Variants in WDFY3 observed in about 807,000 individuals in gnomAD.
WDFY3 encodes WD repeat and FYVE domain containing 3, also known as WD repeat and FYVE domain-containing protein 3.
WDFY3 carries 66 observed loss-of-function variants against 409.6 expected under a neutral mutation model. The observed-to-expected ratio is 0.16, with a 90% CI of 0.13 to 0.20. The LOEUF is 0.20. Among genes scored for constraint, WDFY3 ranks in the 10% least tolerant of loss-of-function variants. The probability of loss-of-function intolerance (pLI) is 1.00; values close to 1 mark genes in which losing one functional copy is unlikely to be tolerated. For missense variants in WDFY3, 3,031 were observed against 4,298.1 expected (o/e 0.71, Z 8.24); for synonymous variants, 1,521 against 1,537.1 (o/e 0.99, Z 0.25).
intron 1 of WDFY3, among the ~76,000 whole-genome samples, chr4:84,957,533 A>C (rs1774394654): frequency 6.6e-6 from 1 of 152,218 alleles, no homozygotes; most frequent in South Asian, 2.1e-4. Context: ...AAAGACGTGA[A>C]GGTAATGGGG....
intron 53 of WDFY3, among the ~76,000 whole-genome samples, chr4:84,707,605 A>T (rs1052752468): frequency 6.6e-6 from 1 of 152,228 alleles, no homozygotes; most frequent in Non-Finnish European, 1.5e-5. Context: ...TGAGATACAT[A>T]TTCAAATATG....
At chr4:84,761,355 TA>T (rs1742560310) in intron 32 of WDFY3, among the ~76,000 whole-genome samples, 1 of 152,188 alleles carries the variant, frequency 6.6e-6, no homozygotes, top group African/African-American at 2.4e-5. Flanking sequence ...AATTCCTGGG[TA>T]TCCTTGTTGA....
intron 1 of WDFY3, among the ~76,000 whole-genome samples, chr4:84,962,601 A>T (rs1402388601): frequency 1.3e-5 from 2 of 152,102 alleles, no homozygotes; most frequent in African/African-American, 4.8e-5. Flanking sequence ...GACATTTGTT[A>T]AACTTTTACT....
chr4:84,732,017 T>C (rs900453655), intron 44 of WDFY3, among the ~76,000 whole-genome samples: 4 of 152,228 alleles, frequency 2.6e-5, no homozygotes, highest in African/African-American at 9.6e-5. Flanking sequence ...AAAGATCATA[T>C]TGTTGCTTTG....
At chr4:84,752,148 A>AT (rs1004349616) in intron 35 of WDFY3, among the ~76,000 whole-genome samples, 6 of 152,108 alleles carry the variant, frequency 3.9e-5, no homozygotes, top group African/African-American at 1.4e-4. Flanking sequence ...CCCCAAATAA[A>AT]TTTAAAAAAA....
At chr4:84,826,612 A>G (rs375185683) in intron 10 of WDFY3, among the ~76,000 whole-genome samples, 3 of 152,282 alleles carry the variant, frequency 2.0e-5, no homozygotes, top group East Asian at 3.9e-4. Flanking sequence ...TATTTTTATA[A>G]TATTATTTTC....
chr4:84,903,562 C>A (rs979190634), intron 2 of WDFY3, among the ~76,000 whole-genome samples: 12 of 152,100 alleles, frequency 7.9e-5, no homozygotes, highest in Non-Finnish European at 1.5e-4. Flanking sequence ...TCAAGTAATC[C>A]GCCTGCCTCA....
At chr4:84,958,132 T>G (rs114735432) in intron 1 of WDFY3, among the ~76,000 whole-genome samples, 135 of 152,344 alleles carry the variant, frequency 8.9e-4, no homozygotes, top group African/African-American at 3.1e-3. Context: ...TAAGGGATTT[T>G]GGGTTCATTT....
At chr4:84,679,821 CATAT>C (rs370117920) in intron 64 of WDFY3, among the ~76,000 whole-genome samples, 23 of 144,058 alleles carry the variant, frequency 1.6e-4, no homozygotes, top group South Asian at 6.6e-4. Context: ...GGATATTCTT[CATAT>C]ATATATATAT....
intron 2 of WDFY3, among the ~76,000 whole-genome samples, chr4:84,909,629 T>C (rs1015628528): frequency 3.3e-5 from 5 of 152,064 alleles, no homozygotes; most frequent in African/African-American, 4.8e-5. Flanking sequence ...TTATTCCTTA[T>C]AAAATACTAA....
intron 2 of WDFY3, among the ~76,000 whole-genome samples, chr4:84,898,998 T>C (rs910158709): frequency 6.6e-6 from 1 of 152,230 alleles, no homozygotes; most frequent in African/African-American, 2.4e-5. Flanking sequence ...GGGTTTGGCA[T>C]TGAAACAAAG....
At chr4:84,797,107 T>C (rs556412491) in intron 18 of WDFY3, among the ~76,000 whole-genome samples, 2 of 152,196 alleles carry the variant, frequency 1.3e-5, no homozygotes, top group Non-Finnish European at 2.9e-5. Context: ...TATGATTTAT[T>C]AATTCTCTTT....
chr4:84,749,994 A>G (rs1254482742), intron 36 of WDFY3, among the ~76,000 whole-genome samples: 3 of 152,248 alleles, frequency 2.0e-5, no homozygotes, highest in Non-Finnish European at 4.4e-5. Flanking sequence ...TTAGCTATTC[A>G]GGTACCAGAA....
In WDFY3 at chr4:84,943,378, C is replaced by T. The variant is rs541103900; in HGVS notation, c.-225-11015G>A. Among the ~76,000 whole-genome samples the T allele has an allele frequency of 4.1e-4, 62 of 152,066 alleles. No individual in the cohort carries two copies. In the South Asian group the frequency reaches 6.0e-3, roughly 15 times the overall value. On this transcript the variant is annotated intron_variant, in intron 1 of 67. Transcript: ENST00000295888. ...AACTAGCTGGGCGTGGTGGTGGGCA[C>T]CTGTAGTCCCAGCTACTCAGGAGGC...
rs576501024 is a variant in WDFY3 at position 84,894,306 on chromosome 4, CTT to C, written c.-32+2603_-32+2604del. On this transcript the variant is annotated intron_variant, in intron 3 of 67. Coordinates refer to ENST00000295888, the MANE Select transcript of WDFY3 (RefSeq NM_014991.6). ...TAAATAACGGTCAAATTGTCATGTACTTATGTATAAGTGATTTGCATGAAAAG... is the reference window on the plus strand; with the variant it reads ...TAAATAACGGTCAAATTGTCATGTACATGTATAAGTGATTTGCATGAAAAG... 1.2e-4 allele frequency among the ~76,000 whole-genome samples: 19 copies of C among 152,218 alleles called. No individual in the cohort carries two copies. In the East Asian group the frequency reaches 2.3e-3, roughly 19 times the overall value.
At chr4:84,855,913 C>T (rs1759699851) in intron 4 of WDFY3, among the ~76,000 whole-genome samples, 1 of 152,190 alleles carries the variant, frequency 6.6e-6, no homozygotes, top group Admixed American at 6.5e-5. Context: ...CCGGGCTTTG[C>T]CTGCCTCATG....
rs74682726 is a variant in WDFY3 at position 84,907,093 on chromosome 4, A to T, written c.-131-10083T>A. 8.5e-3 allele frequency among the ~76,000 whole-genome samples: 1,297 copies of T among 152,314 alleles called. 14 individuals carry two copies. Among genetic ancestry groups the T allele is most frequent in the African/African-American group, 0.029 (1,213 of 41,578 alleles). On this transcript the variant is annotated intron_variant, in intron 2 of 67. Transcript: ENST00000295888. ...GGGCTGAATTTATTTCCATTTGGAC[A>T]AAAGTATTTTGCAGAGAGAGAAAAT...
At position 84,836,996 on chromosome 4, in the gene WDFY3, A is replaced by G. The variant is rs762582117; in HGVS notation, c.509T>C (p.Val170Ala). 3 of 1,602,414 alleles carry G rather than the reference A, an allele frequency of 1.9e-6. No homozygotes were observed. The East Asian group carries it at 6.8e-5, about 36-fold the overall frequency. The change falls in exon 7 of 68, where the codon GTT (valine) becomes GCT (alanine). Residue 170 changes from valine (V) to alanine (A), a missense_variant. Transcript: ENST00000295888. ...FFDLPHVPEAVGGAQNELPLA... is the reference protein window; with the variant it reads ...FFDLPHVPEAAGGAQNELPLA... Reference sequence around the variant, plus strand: ...AGGTAGCTCATTCTGTGCACCTCCAACTGCCTCAGGCACATGTGGAAGGTC... The same window carrying G: ...AGGTAGCTCATTCTGTGCACCTCCAGCTGCCTCAGGCACATGTGGAAGGTC...
rs1727331464 is a variant in WDFY3 at position 84,681,436 on chromosome 4, G to A, written c.9823+938C>T. Among the ~76,000 whole-genome samples, 3 of 152,046 alleles carry A rather than the reference G, an allele frequency of 2.0e-5. No individual in the cohort carries two copies. In the South Asian group the frequency reaches 6.2e-4, roughly 32 times the overall value. ...CCCCAAACACCCAGATGACCTTTTT[G>A]GTGGGGCTGTAATTAGAAATTTACA... is the stretch of plus-strand genomic sequence containing the variant. On this transcript the variant is annotated intron_variant, in intron 64 of 67. Transcript: ENST00000295888.
Sources: allele counts gnomAD v4.1 joint callset (sites outside exome capture counted in the v4.1 genomes callset), GRCh38; gene constraint gnomAD v4.1.1; transcripts MANE v1.5; gene names NCBI Gene and HGNC (gene_info 2026-07-23, HGNC 2026-07-21).